TG: variants seen among roughly 807,000 people sequenced by gnomAD.
TG encodes thyroglobulin, also known as thyroid hormones.
In TG, 270 loss-of-function variants were observed where a neutral mutation model predicts 324.7. That is an observed-to-expected ratio of 0.83 (90% CI 0.75 to 0.92). The LOEUF is 0.92. TG is among the 40% of genes least tolerant of loss of function. TG has a pLI of 0.00. For missense variants in TG, 3,591 were observed against 3,456.4 expected, an observed-to-expected ratio of 1.04 and a Z score of -0.98; for synonymous variants, 1,401 against 1,327.0, an observed-to-expected ratio of 1.06 and a Z score of -1.21.
intron 41 of TG, among the ~76,000 whole-genome samples, chr8:133,033,199 G>A (rs1017176419): frequency 6.6e-6 from 1 of 152,296 alleles, no homozygotes; most frequent in Admixed American, 6.5e-5. Context: ...TATTTCCCAA[G>A]GTCTTGAGAT....
At chr8:133,001,043 A>G (rs1833435518) in intron 35 of TG, among the ~76,000 whole-genome samples, 1 of 151,768 alleles carries the variant, frequency 6.6e-6, no homozygotes, top group East Asian at 1.9e-4. Flanking sequence ...TCTTCACTCC[A>G]TCTTCCCTCT....
chr8:133,133,580 T>G lies in TG; in HGVS notation c.8108T>G (p.Leu2703Arg). The part of the protein sequence containing the change: ...GGENYKEFSE[L>R]LPNRQGLKKA... ...GAGAACTACAAGGAGTTCAGTGAGCTGCTCCCCAATCGACAGGGCCTGAAG... is the reference window on the plus strand; with the variant it reads ...GAGAACTACAAGGAGTTCAGTGAGCGGCTCCCCAATCGACAGGGCCTGAAG... The change falls in exon 47 of 48, where the codon CTG (leucine) becomes CGG (arginine). Residue 2703 changes from leucine to arginine, a missense_variant. By Grantham distance (102) the Leu-to-Arg change is moderately radical. Coordinates refer to ENST00000220616, the MANE Select transcript of TG (RefSeq NM_003235.5). 6.2e-7 allele frequency: 1 copy of G among 1,614,238 alleles called. No homozygotes were observed. Among genetic ancestry groups the G allele is most frequent in the Non-Finnish European group, 8.5e-7 (1 of 1,180,046 alleles).
At chr8:133,131,237 C>G (rs74540515) in intron 45 of TG, among the ~76,000 whole-genome samples, 2,631 of 152,314 alleles carry the variant, frequency 0.017, 82 homozygotes, top group African/African-American at 0.06. Context: ...ACTGGACTGG[C>G]TTCCAAGTCA....
chr8:133,115,242 C>T (rs926961902), intron 44 of TG, among the ~76,000 whole-genome samples: 11 of 152,158 alleles, frequency 7.2e-5, no homozygotes, highest in African/African-American at 2.2e-4. Context: ...ACTCAGAAGA[C>T]GGACTCCAGC....
chr8:132,890,510 C>T (rs1302206640), intron 10 of TG, among the ~76,000 whole-genome samples: 1 of 152,158 alleles, frequency 6.6e-6, no homozygotes, highest in Non-Finnish European at 1.5e-5. Flanking sequence ...TGCATTTCTA[C>T]AATATTCCCA....
At chr8:132,896,239 A>G (rs967005139) in intron 11 of TG, among the ~76,000 whole-genome samples, 3 of 152,246 alleles carry the variant, frequency 2.0e-5, no homozygotes, top group Non-Finnish European at 2.9e-5. Context: ...CAACTTGCTC[A>G]TGATCACAGT....
At chr8:133,036,087 GCC>G (rs1461110094) in intron 41 of TG, among the ~76,000 whole-genome samples, 1 of 152,118 alleles carries the variant, frequency 6.6e-6, no homozygotes, top group Non-Finnish European at 1.5e-5. Context: ...TGCAGGAATT[GCC>G]CCATTATTCC....
rs190016488 is a variant in TG, at chr8:132,963,086, C to A, written c.5548+12C>A. Reference sequence around the variant, plus strand: ...TCCAACAGAAGCAGGTACTGACCCCCAAACCTTCTTACACACTTGGGTGTC... The same window carrying A: ...TCCAACAGAAGCAGGTACTGACCCCAAAACCTTCTTACACACTTGGGTGTC... On this transcript the variant is annotated intron_variant, in intron 29 of 47. Transcript: ENST00000220616. The A allele has an allele frequency of 6.2e-6, 10 of 1,613,638 alleles. No homozygotes were observed. Among genetic ancestry groups the A allele is most frequent in the Non-Finnish European group, 8.5e-6 (10 of 1,179,672 alleles).
Position 132,882,538 on chromosome 8 carries a change from C to T in TG, c.815C>T (p.Thr272Ile). The change falls in exon 7 of 48, where the codon ACT (threonine) becomes ATT (isoleucine). Residue 272 changes from threonine to isoleucine, a missense_variant. Transcript: ENST00000220616. ...GGCCTGGACCTTCCTTCCACCTTCA[C>T]TGAAACCACCCTGTACCGGATACTG... is the stretch of plus-strand genomic sequence containing the variant. ...FAGLDLPSTFTETTLYRILQR... is the reference protein window; with the variant it reads ...FAGLDLPSTFIETTLYRILQR... 1 of 1,614,238 alleles carries T rather than the reference C, an allele frequency of 6.2e-7. No individual in the cohort carries two copies. The highest frequency in any genetic ancestry group is 8.5e-7 in the Non-Finnish European group (1 of 1,180,044).
At chr8:132,961,719 A>G (rs1162814121) in intron 28 of TG, among the ~76,000 whole-genome samples, 2 of 152,164 alleles carry the variant, frequency 1.3e-5, no homozygotes, top group Non-Finnish European at 2.9e-5. Context: ...CAGATAGAGC[A>G]GTGGCCCATC....
chr8:133,083,807 C>A (rs142975351), intron 41 of TG, among the ~76,000 whole-genome samples: 1 of 152,154 alleles, frequency 6.6e-6, no homozygotes, highest in African/African-American at 2.4e-5. Context: ...CACATGTGCC[C>A]TTCTCATCCA....
intron 35 of TG, among the ~76,000 whole-genome samples, chr8:132,991,016 A>AG (rs1339388887): frequency 6.7e-6 from 1 of 149,440 alleles, no homozygotes; most frequent in Non-Finnish European, 1.5e-5. Context: ...GTTGAACCTT[A>AG]GTGTTGTCTC....
At chr8:132,966,847 A>G in intron 30 of TG, 150 bp downstream of exon 30, 1 of 945,308 alleles carries the variant, frequency 1.1e-6, no homozygotes, top group Non-Finnish European at 1.7e-6. Context: ...AAGATAGCAC[A>G]TAACCCATAT....
rs376711807 is a variant in TG, at chr8:133,070,029, A to AAAAAAAAAAAAAAAAAAAAAAAAAAC, written c.7240-25014_7240-25013insAAAAAAAAAAAAAAAAAAAAAAAACA. 1.8e-5 allele frequency among the ~76,000 whole-genome samples: 2 copies of AAAAAAAAAAAAAAAAAAAAAAAAAAC among 109,812 alleles called. 1 individual carries two copies. Among genetic ancestry groups the AAAAAAAAAAAAAAAAAAAAAAAAAAC allele is most frequent in the African/African-American group, 7.8e-5 (2 of 25,790 alleles). 72.0% of individuals were successfully genotyped at this position (109,812 alleles called of 152,430 possible). ...AAAAAAAAAAAAAAAAAAAAAAAGA[A>AAAAAAAAAAAAAAAAAAAAAAAAAAC]AGAAAGAAAGAAAAGAAAAGAAGAA... On this transcript the variant is annotated intron_variant, in intron 41 of 47. Transcript: ENST00000220616.
intron 27 of TG, among the ~76,000 whole-genome samples, chr8:132,953,509 A>T (rs969611738): frequency 6.6e-6 from 1 of 152,202 alleles, no homozygotes; most frequent in African/African-American, 2.4e-5. Context: ...TCCTTAGCAT[A>T]TCCTTTTCTG....
At chr8:132,946,319 C>A (rs1825287520) in intron 26 of TG, among the ~76,000 whole-genome samples, 1 of 152,018 alleles carries the variant, frequency 6.6e-6, no homozygotes, top group African/African-American at 2.4e-5. Flanking sequence ...CATGATATTT[C>A]TGGCTGGCAG....
chr8:133,023,670 T>A (rs1388184789), intron 40 of TG, among the ~76,000 whole-genome samples: 2 of 152,196 alleles, frequency 1.3e-5, no homozygotes, highest in Non-Finnish European at 2.9e-5. Flanking sequence ...GGTGGTGACA[T>A]CAGGACTCGC....
chr8:132,886,994 A>T lies in TG; in HGVS notation c.1622A>T (p.Asp541Val), dbSNP rs762724774. The T allele has an allele frequency of 6.2e-7, 1 of 1,614,214 alleles. No homozygotes were observed. Among genetic ancestry groups the T allele is most frequent in the Non-Finnish European group, 8.5e-7 (1 of 1,180,044 alleles). ...GGAACCCCTGAAGCTGCTAAGAAGGATGGTACTATGAATAAGCCAACTGTG... is the reference window on the plus strand; with the variant it reads ...GGAACCCCTGAAGCTGCTAAGAAGGTTGGTACTATGAATAAGCCAACTGTG... ...STGTPEAAKK[D>V]GTMNKPTVGS... The change falls in exon 9 of 48, where the codon GAT (aspartate) becomes GTT (valine). Residue 541 changes from aspartate (D) to valine (V), a missense_variant. By Grantham distance (152) the Asp-to-Val change is radical. Transcript: ENST00000220616.
At chr8:133,054,987 C>T (rs868724035) in intron 41 of TG, among the ~76,000 whole-genome samples, 11 of 152,160 alleles carry the variant, frequency 7.2e-5, no homozygotes, top group African/African-American at 2.4e-4. Flanking sequence ...CTGCCCAGCC[C>T]TACAGAAAAT....
Sources: allele counts gnomAD v4.1 joint callset (sites outside exome capture counted in the v4.1 genomes callset), GRCh38; gene constraint gnomAD v4.1.1; transcripts MANE v1.5; gene names NCBI Gene and HGNC (gene_info 2026-07-23, HGNC 2026-07-21).